THSD7A: variants seen among roughly 807,000 people sequenced by gnomAD.
THSD7A encodes thrombospondin type 1 domain containing 7A.
THSD7A carries 96 observed loss-of-function variants against 231.3 expected under a neutral mutation model. The ratio of observed to expected loss-of-function variants is 0.41; its 90% CI spans 0.35 to 0.49. The LOEUF (loss-of-function observed/expected upper bound fraction) is 0.49, where lower values mean the gene tolerates loss of function less well. THSD7A is among the 20% of genes least tolerant of loss of function. THSD7A has a pLI of 0.05. For synonymous variants in THSD7A, 940 were observed against 743.3 expected (o/e 1.26, Z -4.30); for missense variants, 2,290 against 2,070.2 (o/e 1.11, Z -2.06).
intron 1 of THSD7A, among the ~76,000 whole-genome samples, chr7:11,825,342 G>A (rs1784994506): frequency 6.6e-6 from 1 of 152,130 alleles, no homozygotes; most frequent in Non-Finnish European, 1.5e-5. Flanking sequence ...AGCCAGTCAG[G>A]TAGAGGTAAG....
rs1189338054 is a variant in THSD7A at position 11,482,432 on chromosome 7, C to T, written c.1823-450G>A. Among the ~76,000 whole-genome samples, 5 of 152,320 alleles carry T rather than the reference C, an allele frequency of 3.3e-5. No individual in the cohort carries two copies. In the East Asian group the frequency reaches 7.7e-4, roughly 23 times the overall value. On this transcript the variant is annotated intron_variant, in intron 6 of 27. Coordinates refer to ENST00000423059, the MANE Select transcript of THSD7A (RefSeq NM_015204.3). ...GAACCAACTAATAGGTGTCTATTTA[C>T]AAACTCTCTTGTGTCTCTCAGAGTA...
chr7:11,599,778 C>G (rs912196065), intron 2 of THSD7A, among the ~76,000 whole-genome samples: 2 of 151,340 alleles, frequency 1.3e-5, no homozygotes, highest in South Asian at 4.2e-4. Context: ...TGGAAGGATG[C>G]AAAGTATTGA....
At chr7:11,591,378 C>T (rs893052304) in intron 3 of THSD7A, among the ~76,000 whole-genome samples, 1 of 152,050 alleles carries the variant, frequency 6.6e-6, no homozygotes, top group Non-Finnish European at 1.5e-5. Context: ...CCACCGAAGA[C>T]AGGAAGTGAT....
chr7:11,737,983 T>C (rs917823234), intron 1 of THSD7A, among the ~76,000 whole-genome samples: 1 of 152,020 alleles, frequency 6.6e-6, no homozygotes, highest in African/African-American at 2.4e-5. Context: ...TCTCTCATTA[T>C]TCTAGATGCT....
chr7:11,487,808 C>T (rs1229304107), intron 6 of THSD7A, among the ~76,000 whole-genome samples: 3 of 152,160 alleles, frequency 2.0e-5, no homozygotes, highest in Admixed American at 1.3e-4. Flanking sequence ...ATTTAATTAT[C>T]TCCACCTGGC....
In THSD7A at chr7:11,677,584, C is replaced by CAAAA. The variant is rs553030554; in HGVS notation, c.191-40627_191-40624dup. Among the ~76,000 whole-genome samples the CAAAA allele has an allele frequency of 4.5e-4, 10 of 22,272 alleles. 2 individuals carry two copies. Among genetic ancestry groups the CAAAA allele is most frequent in the African/African-American group, 2.3e-3 (9 of 3,882 alleles). The allele number at this position is 22,272 out of a possible 152,430, so 14.6% of individuals were successfully genotyped here. ...GAAGATTGACCAAGCAAATGGAAAG[C>CAAAA]AAAAAAAAAAAAAAAAAAAAAAAAA... On this transcript the variant is annotated intron_variant, in intron 1 of 27. Coordinates refer to ENST00000423059, the MANE Select transcript of THSD7A (RefSeq NM_015204.3).
intron 22 of THSD7A, among the ~76,000 whole-genome samples, chr7:11,404,216 C>G (rs750070065): frequency 2.0e-5 from 3 of 152,148 alleles, no homozygotes; most frequent in Non-Finnish European, 4.4e-5. Context: ...AGGACAGGGT[C>G]TCTTGGTCTG....
intron 1 of THSD7A, among the ~76,000 whole-genome samples, chr7:11,685,394 G>C (rs532609142): frequency 1.3e-5 from 2 of 151,860 alleles, no homozygotes; most frequent in Non-Finnish European, 2.9e-5. Context: ...TTAAACTAAG[G>C]AGCTTTTGCA....
intron 1 of THSD7A, among the ~76,000 whole-genome samples, chr7:11,810,359 G>C (rs1216489517): frequency 6.6e-6 from 1 of 152,066 alleles, no homozygotes; most frequent in African/African-American, 2.4e-5. Context: ...GCTTTTCTTG[G>C]CCCTTCCTTG....
intron 13 of THSD7A, among the ~76,000 whole-genome samples, chr7:11,436,035 T>G (rs1784622691): frequency 6.6e-6 from 1 of 152,120 alleles, no homozygotes; most frequent in South Asian, 2.1e-4. Flanking sequence ...ATTTTACTTA[T>G]TCAACCATAA....
rs184067917 is a variant in THSD7A, at chr7:11,578,264, G to A, written c.1453+12196C>T. Among the ~76,000 whole-genome samples the A allele has an allele frequency of 1.3e-3, 203 of 152,224 alleles. 1 individual carries two copies. Among genetic ancestry groups the A allele is most frequent in the Middle Eastern group, 3.4e-3 (1 of 294 alleles). On this transcript the variant is annotated intron_variant, in intron 4 of 27. Coordinates refer to ENST00000423059, the MANE Select transcript of THSD7A (RefSeq NM_015204.3). ...TCATTTGGCATATAATAAATGCAAGGCCTTATGCTAGGAAATGATTTACAT... is the reference window on the plus strand; with the variant it reads ...TCATTTGGCATATAATAAATGCAAGACCTTATGCTAGGAAATGATTTACAT...
At position 11,396,211 on chromosome 7, in the gene THSD7A, A is replaced by G. The variant is rs566254784; in HGVS notation, c.4411+5584T>C. On this transcript the variant is annotated intron_variant, in intron 23 of 27. Transcript: ENST00000423059. ...AGAAAGCAGGAAAGATCTAAAATCA[A>G]CACCTTAACATCACAATTAAAAGAA... 2.8e-4 allele frequency among the ~76,000 whole-genome samples: 42 copies of G among 152,342 alleles called. No individual in the cohort carries two copies. In the South Asian group the frequency reaches 5.4e-3, roughly 20 times the overall value.
At chr7:11,729,114 A>C (rs1277598453) in intron 1 of THSD7A, among the ~76,000 whole-genome samples, 2 of 151,868 alleles carry the variant, frequency 1.3e-5, no homozygotes, top group Admixed American at 6.6e-5. Flanking sequence ...AGTAAACTTT[A>C]TGTGGAGGAA....
chr7:11,722,707 C>G (rs1025138730), intron 1 of THSD7A, among the ~76,000 whole-genome samples: 1 of 151,906 alleles, frequency 6.6e-6, no homozygotes, highest in African/African-American at 2.4e-5. Flanking sequence ...ATTTATGCAG[C>G]CAAAAGACAC....
At chr7:11,812,602 T>A (rs570140883) in intron 1 of THSD7A, among the ~76,000 whole-genome samples, 116 of 152,288 alleles carry the variant, frequency 7.6e-4, no homozygotes, top group African/African-American at 2.6e-3. Flanking sequence ...AATCATTTAC[T>A]CTATCTCCCT....
At chr7:11,704,856 C>T (rs755179144) in intron 1 of THSD7A, among the ~76,000 whole-genome samples, 1 of 150,960 alleles carries the variant, frequency 6.6e-6, no homozygotes, top group African/African-American at 2.4e-5. Flanking sequence ...GTTTGAGAAT[C>T]GTATGATGTG....
intron 4 of THSD7A, among the ~76,000 whole-genome samples, chr7:11,550,367 C>T (rs1369821588): frequency 1.3e-5 from 2 of 152,072 alleles, no homozygotes; most frequent in African/African-American, 2.4e-5. Flanking sequence ...ACATTCTATG[C>T]TCTTGAATAG....
At chr7:11,588,261 G>T (rs979073015) in intron 4 of THSD7A, among the ~76,000 whole-genome samples, 2 of 152,162 alleles carry the variant, frequency 1.3e-5, no homozygotes, top group Non-Finnish European at 2.9e-5. Flanking sequence ...GGTATACTGA[G>T]TATGTTTCCT....
chr7:11,496,546 C>T (rs1645827778), intron 6 of THSD7A, among the ~76,000 whole-genome samples: 1 of 152,014 alleles, frequency 6.6e-6, no homozygotes, highest in Admixed American at 6.6e-5. Context: ...ATGTATGAGG[C>T]CAAATTATCG....
Sources: gnomAD v4.1 joint callset for allele counts (sites outside exome capture counted in the v4.1 genomes callset) on GRCh38, gnomAD v4.1.1 for gene constraint, MANE v1.5 for transcripts, NCBI Gene and HGNC (gene_info 2026-07-23, HGNC 2026-07-21) for gene names.